EMG1: variants seen among roughly 807,000 people sequenced by gnomAD.
EMG1 encodes the protein EMG1 N1-specific pseudouridine methyltransferase, also known as ribosomal RNA small subunit methyltransferase NEP1.
Under a neutral mutation model 26.9 loss-of-function variants are expected in EMG1, and 24 were observed. The ratio of observed to expected loss-of-function variants is 0.89; its 90% CI spans 0.65 to 1.26. EMG1 has a LOEUF of 1.26. Among genes scored for constraint, EMG1 ranks in the 50% most tolerant of loss-of-function variants. EMG1 has a pLI of 0.00. For synonymous variants in EMG1, 140 were observed against 112.6 expected, an observed-to-expected ratio of 1.24 and a Z score of -1.54; for missense variants, 299 against 307.6, an observed-to-expected ratio of 0.97 and a Z score of 0.21.
At chr12:6,996,182 C>T (rs1946634623) in intron 7 of EMG1, among the ~76,000 whole-genome samples, 1 of 152,210 alleles carries the variant, frequency 6.6e-6, no homozygotes. Flanking sequence ...CCAAAGCTTT[C>T]CCTTCCTGGA....
In EMG1 at chr12:6,978,211, G is replaced by T. The variant is rs2138327941; in HGVS notation, c.*2402G>T. 9.0e-7 allele frequency: 1 copy of T among 1,106,130 alleles called. No individual in the cohort carries two copies. The highest frequency in any genetic ancestry group is 1.3e-6 in the Non-Finnish European group (1 of 769,518). The allele number at this position is 1,106,130 out of a possible 1,614,324, so 68.5% of individuals were successfully genotyped here. On this transcript the variant is annotated 3_prime_UTR_variant, in exon 6 of 6. Transcript: ENST00000599672. ...GGGGTATAGGTGGGGGTCAAAGTCA[G>T]TGTGAGCGACAGGGGGTTCTGCCCA...
At position 6,974,601 on chromosome 12, in the gene EMG1, A is replaced by G; in HGVS notation, c.320A>G (p.Gln107Arg). The G allele has an allele frequency of 6.2e-7, 1 of 1,614,008 alleles. No homozygotes were observed. The highest frequency in any genetic ancestry group is 8.5e-7 in the Non-Finnish European group (1 of 1,179,896). Reference sequence around the variant, plus strand: ...CCCCTGAACCGAGCTGGCTTGCTACAGGTTTATATCCATACACAGAAGAAT... The same window carrying G: ...CCCCTGAACCGAGCTGGCTTGCTACGGGTTTATATCCATACACAGAAGAAT... ...DSPLNRAGLL[Q>R]VYIHTQKNVL... The change falls in exon 3 of 6, where the codon CAG becomes CGG. Residue 107 changes from glutamine to arginine, a missense_variant. Transcript: ENST00000599672.
At chr12:6,995,877 A>T (rs1555155963) in intron 7 of EMG1, among the ~76,000 whole-genome samples, 2 of 152,090 alleles carry the variant, frequency 1.3e-5, no homozygotes, top group African/African-American at 4.8e-5. Flanking sequence ...CTATCTCTGG[A>T]TTATTATTAT....
Position 6,978,173 on chromosome 12 carries a change from T to G in EMG1, c.*2364T>G. ...TTTTTTTCAAATATGACAGTAATGG[T>G]TTTTTTGGGAGGGGGGTATAGGTGG... On this transcript the variant is annotated 3_prime_UTR_variant, in exon 6 of 6. Coordinates refer to ENST00000599672, the MANE Select transcript of EMG1 (RefSeq NM_006331.8). 2 of 754,578 alleles carry G rather than the reference T, an allele frequency of 2.7e-6. No homozygotes were observed. The highest frequency in any genetic ancestry group is 2.7e-5 in the Admixed American group (1 of 37,376). 46.7% of individuals were successfully genotyped at this position (754,578 alleles called of 1,614,324 possible). A position where few individuals can be genotyped will look rare whatever the true frequency, so the allele number is the denominator to read the frequency against.
intron 1 of EMG1, among the ~76,000 whole-genome samples, chr12:6,972,918 G>A (rs1454344313): frequency 2.0e-5 from 3 of 151,912 alleles, no homozygotes; most frequent in African/African-American, 7.3e-5. Flanking sequence ...GTTCACTGCA[G>A]CCTCTACTTC....
rs1555154873 is a variant in EMG1 at position 6,986,746 on chromosome 12, C to T, written c.*155-1036C>T. Reference sequence around the variant, plus strand: ...TGCAGTGAGCAGAGATTGCAGTGAGCAGAGAGAGCCACTGCACTCCAGCCT... The same window carrying T: ...TGCAGTGAGCAGAGATTGCAGTGAGTAGAGAGAGCCACTGCACTCCAGCCT... On this transcript the variant is annotated intron_variant and NMD_transcript_variant, in intron 6 of 7. Coordinates refer to the EMG1 transcript ENST00000261406. Among the ~76,000 whole-genome samples the T allele has an allele frequency of 7.7e-3, 999 of 130,316 alleles. 13 individuals are homozygous for T. Among genetic ancestry groups the T allele is most frequent in the African/African-American group, 0.027 (916 of 33,496 alleles). The allele number at this position is 130,316 out of a possible 152,430, so 85.5% of individuals were successfully genotyped here. A position where few individuals can be genotyped will look rare whatever the true frequency, so the allele number is the denominator to read the frequency against.
At chr12:6,975,535 T>C (rs1946384451) in intron 5 of EMG1, 157 bp downstream of exon 5, 1 of 983,684 alleles carries the variant, frequency 1.0e-6, no homozygotes, top group African/African-American at 1.6e-5. Flanking sequence ...GCTGCTGCCA[T>C]AATTGGAAGT....
In EMG1 at chr12:6,977,941, C is replaced by G. The variant is rs746615563; in HGVS notation, c.*2132C>G. The G allele has an allele frequency of 1.6e-6, 1 of 619,902 alleles. No individual in the cohort carries two copies. The allele number at this position is 619,902 out of a possible 1,614,324, so 38.4% of individuals were successfully genotyped here. ...GCAGACCCAAGGCGGAGCTGGAGAC[C>G]GTGTGCGCACGAGCCACTTGGTTCA... On this transcript the variant is annotated 3_prime_UTR_variant, in exon 6 of 6. Coordinates refer to ENST00000599672, the MANE Select transcript of EMG1 (RefSeq NM_006331.8). This position sits in a 1 kb window ranked among gnomAD's most constrained non-coding sequence, Gnocchi z 4.5.
rs1946426544 is a variant in EMG1, at chr12:6,977,904, T to G, written c.*2095T>G. Reference sequence around the variant, plus strand: ...GGAGGCAGTGCTGACTGATTACTTTTAGAGATGGAAAGCAGACCCAAGGCG... The same window carrying G: ...GGAGGCAGTGCTGACTGATTACTTTGAGAGATGGAAAGCAGACCCAAGGCG... On this transcript the variant is annotated 3_prime_UTR_variant, in exon 6 of 6. Transcript: ENST00000599672. The surrounding 1 kb of genome is among the most constrained non-coding windows in gnomAD (Gnocchi z 4.5). 2 of 828,704 alleles carry G rather than the reference T, an allele frequency of 2.4e-6. No homozygotes were observed. The highest frequency in any genetic ancestry group is 5.1e-5 in the East Asian group (2 of 39,066). The allele number at this position is 828,704 out of a possible 1,614,324, so 51.3% of individuals were successfully genotyped here. A position where few individuals can be genotyped will look rare whatever the true frequency, so the allele number is the denominator to read the frequency against.
At chr12:6,995,093 A>G (rs1427550004) in intron 7 of EMG1, among the ~76,000 whole-genome samples, 1 of 149,406 alleles carries the variant, frequency 6.7e-6, no homozygotes, top group Non-Finnish European at 1.5e-5. Context: ...TAAGGCATAA[A>G]TTTCTCCCTA....
At position 6,975,229 on chromosome 12, in the gene EMG1, G is replaced by T. The variant is rs1555152940; in HGVS notation, c.472G>T (p.Val158Leu). The T allele has an allele frequency of 2.5e-6, 4 of 1,613,724 alleles. No individual in the cohort carries two copies. Among genetic ancestry groups the T allele is most frequent in the Non-Finnish European group, 2.5e-6 (3 of 1,179,824 alleles). ...AADGPQKLLKVIKNPVSDHFP... is the reference protein window; with the variant it reads ...AADGPQKLLKLIKNPVSDHFP... ...GACTTTTCTCTCTTTTTTACTTTAG[G>T]TAATTAAGAATCCAGTATCAGATCA... The change falls in exon 5 of 6, where the codon GTA (valine) becomes TTA (leucine). Residue 158 changes from valine to leucine, a missense_variant and splice_region_variant. Physicochemically the swap from Val to Leu is conservative, Grantham distance 32 (BLOSUM62 1). Transcript: ENST00000599672.
At position 6,978,776 on chromosome 12, in the gene EMG1, G is replaced by A; in HGVS notation, c.*2967G>A. The A allele has an allele frequency of 6.4e-7, 1 of 1,559,706 alleles. No individual in the cohort carries two copies. Among genetic ancestry groups the A allele is most frequent in the Non-Finnish European group, 8.7e-7 (1 of 1,151,326 alleles). On this transcript the variant is annotated 3_prime_UTR_variant, in exon 6 of 6. Coordinates refer to ENST00000599672, the MANE Select transcript of EMG1 (RefSeq NM_006331.8). ...CTCTTCCTTTTCACACTTGTGGCTG[G>A]CTACTTCATACCTGCCTGAGTCCTG...
Position 6,978,548 on chromosome 12 carries a change from A to G in EMG1, c.*2739A>G. On this transcript the variant is annotated 3_prime_UTR_variant, in exon 6 of 6. Coordinates refer to ENST00000599672, the MANE Select transcript of EMG1 (RefSeq NM_006331.8). ...TCAGTTAGGGCTCTTGCCACTCCCC[A>G]TACTGGCCCCCATGGCTTGTCTAAA... The G allele has an allele frequency of 1.9e-6, 3 of 1,612,958 alleles. No homozygotes were observed. Among genetic ancestry groups the G allele is most frequent in the Non-Finnish European group, 1.7e-6 (2 of 1,179,184 alleles).
chr12:6,991,385 T>A (rs1184057217), downstream of EMG1, among the ~76,000 whole-genome samples: 2 of 152,222 alleles, frequency 1.3e-5, no homozygotes, highest in African/African-American at 4.8e-5. Flanking sequence ...AATGGATATT[T>A]TACCATGCAT....
At chr12:6,974,516 C>T (rs781859267) in intron 2 of EMG1, 36 bp from the exon 3 acceptor site, 27 of 1,610,172 alleles carry the variant, frequency 1.7e-5, no homozygotes, top group Non-Finnish European at 2.3e-5. Flanking sequence ...TGCCTCTCTT[C>T]AGCCTTAACC....
chr12:6,971,142 C>G, intron 1 of EMG1, 51 bp downstream of exon 1: 1 of 1,496,540 alleles, frequency 6.7e-7, no homozygotes, highest in Non-Finnish European at 9.2e-7. Context: ...GTTGGGACTC[C>G]GTGGAATGAG....
chr12:6,974,922 C>A, intron 3 of EMG1, 168 bp from the exon 4 acceptor site: 1 of 829,072 alleles, frequency 1.2e-6, no homozygotes, highest in Non-Finnish European at 2.0e-6. Context: ...CATCACTGTA[C>A]AGCTAGCCAT....
chr12:6,982,992 G>GT (rs1276646329), downstream of EMG1: 21 of 632,994 alleles, frequency 3.3e-5, no homozygotes, highest in East Asian at 9.4e-5. Flanking sequence ...TTTTTTGTTT[G>GT]TTTTTTTAGA....
At position 6,979,148 on chromosome 12, in the gene EMG1, G is replaced by C; in HGVS notation, c.*3339G>C. 1 of 368,680 alleles carries C rather than the reference G, an allele frequency of 2.7e-6. No homozygotes were observed. Among genetic ancestry groups the C allele is most frequent in the Non-Finnish European group, 4.9e-6 (1 of 202,194 alleles). 22.8% of individuals were successfully genotyped at this position (368,680 alleles called of 1,614,324 possible). On this transcript the variant is annotated 3_prime_UTR_variant, in exon 6 of 6. Coordinates refer to ENST00000599672, the MANE Select transcript of EMG1 (RefSeq NM_006331.8). The stretch of plus-strand genomic sequence containing the variant: ...AAGTGCCCAAATGTATCAGTCAAGA[G>C]AAGAAAATAGGATGGAGAATCAGAA...
Sources: allele counts gnomAD v4.1 joint callset (sites outside exome capture counted in the v4.1 genomes callset), GRCh38; gene constraint gnomAD v4.1.1; non-coding constraint Gnocchi (gnomAD v3.1); transcripts MANE v1.5; gene names NCBI Gene and HGNC (gene_info 2026-07-23, HGNC 2026-07-21).